Variants in XPO6 observed in about 807,000 individuals in gnomAD.
XPO6 encodes exportin 6.
Under a neutral mutation model 130.0 loss-of-function variants are expected in XPO6, and 3 were observed. That is an observed-to-expected ratio of 0.02 (90% CI 0.01 to 0.06). The LOEUF (loss-of-function observed/expected upper bound fraction) is 0.06. XPO6 is among the 10% of genes least tolerant of loss of function. XPO6 has a pLI of 1.00. For synonymous variants in XPO6, 524 were observed against 548.9 expected (o/e 0.95, Z 0.63); for missense variants, 970 against 1,393.0 (o/e 0.70, Z 4.83).
chr16:28,143,536 T>C (rs2042932215), intron 9 of XPO6, among the ~76,000 whole-genome samples: 1 of 152,244 alleles, frequency 6.6e-6, no homozygotes, highest in African/African-American at 2.4e-5. Context: ...TCTATACCAC[T>C]GCTCTATTAG....
intron 1 of XPO6, chr16:28,209,170 A>G (rs923803933): frequency 6.6e-6 from 1 of 152,200 alleles, no homozygotes; most frequent in Non-Finnish European, 1.5e-5. Flanking sequence ...AGGGCAGGGG[A>G]GAGACTGAAA....
intron 2 of XPO6, among the ~76,000 whole-genome samples, chr16:28,180,222 G>A (rs964152259): frequency 3.9e-5 from 6 of 152,006 alleles, no homozygotes; most frequent in Non-Finnish European, 7.4e-5. Flanking sequence ...AAAATTAGCC[G>A]GGGGTGGTGG....
At chr16:28,142,945 A>T (rs2042921083) in intron 9 of XPO6, among the ~76,000 whole-genome samples, 1 of 152,224 alleles carries the variant, frequency 6.6e-6, no homozygotes, top group Non-Finnish European at 1.5e-5. Flanking sequence ...TCCTGCCCTC[A>T]AGTGATCCTC....
At chr16:28,140,497 G>C (rs1284479328) in intron 9 of XPO6, among the ~76,000 whole-genome samples, 2 of 151,994 alleles carry the variant, frequency 1.3e-5, no homozygotes, top group African/African-American at 2.4e-5. Flanking sequence ...GACCAACATG[G>C]TGAAACCCTG....
intron 1 of XPO6, 24 bp downstream of exon 1, chr16:28,211,342 G>T (rs760391134): frequency 7.6e-7 from 1 of 1,312,244 alleles, no homozygotes; most frequent in Non-Finnish European, 9.8e-7. Flanking sequence ...CCCCAGGAGG[G>T]AAGGGGGCTC....
At position 28,098,348 on chromosome 16, in the gene XPO6, AG is replaced by A. The variant is rs1240295447; in HGVS notation, c.*189del. 4.1e-5 allele frequency: 23 copies of A among 561,950 alleles called. No individual in the cohort carries two copies. The African/African-American group carries it at 4.1e-4, about 10-fold the overall frequency. 34.8% of individuals were successfully genotyped at this position (561,950 alleles called of 1,614,324 possible). On this transcript the variant is annotated 3_prime_UTR_variant, in exon 24 of 24. Transcript: ENST00000304658. The stretch of plus-strand genomic sequence containing the variant: ...GCCCTGGGAGCACCGTCCAGTGCTC[AG>A]GTGGACCCAGAAGCCAGCTCTGCTG...
At chr16:28,117,526 AT>A in intron 14 of XPO6, 64 bp from the exon 15 acceptor site, 1 of 1,566,396 alleles carries the variant, frequency 6.4e-7, no homozygotes, top group Non-Finnish European at 8.7e-7. Flanking sequence ...CGTTCAACTC[AT>A]TTTCATAGGA....
chr16:28,139,299 C>T (rs907944510), intron 9 of XPO6, among the ~76,000 whole-genome samples: 1 of 152,230 alleles, frequency 6.6e-6, no homozygotes, highest in Non-Finnish European at 1.5e-5. Flanking sequence ...AGAGAGCTCA[C>T]AGAAACAGAA....
chr16:28,174,140 G>A (rs1369073977), intron 4 of XPO6, among the ~76,000 whole-genome samples: 4 of 152,156 alleles, frequency 2.6e-5, no homozygotes, highest in Non-Finnish European at 5.9e-5. Flanking sequence ...TGGACAGAAC[G>A]CCAGGGAAGT....
rs2086653490 is a variant in XPO6 at position 28,101,401 on chromosome 16, G to A, written c.3276+57C>T. 6.7e-7 allele frequency: 1 copy of A among 1,490,832 alleles called. No individual in the cohort carries two copies. Among genetic ancestry groups the A allele is most frequent in the Non-Finnish European group, 9.3e-7 (1 of 1,070,000 alleles). The allele number at this position is 1,490,832 out of a possible 1,614,324, so 92.4% of individuals were successfully genotyped here. On this transcript the variant is annotated intron_variant, in intron 23 of 23. Coordinates refer to ENST00000304658, the MANE Select transcript of XPO6 (RefSeq NM_015171.4). The surrounding 1 kb of genome is among the most constrained non-coding windows in gnomAD (Gnocchi z 5.4). ...TGTGCCCCCTCCTTGCTGCACAGGT[G>A]CCAGGCTTGCGTGCCCACTCTGCCC...
intron 1 of XPO6, among the ~76,000 whole-genome samples, chr16:28,205,653 G>T (rs2044017113): frequency 6.6e-6 from 1 of 152,156 alleles, no homozygotes; most frequent in Non-Finnish European, 1.5e-5. Flanking sequence ...CCCTGGAAGT[G>T]TAACGGTTAT....
In XPO6 at chr16:28,135,311, G is replaced by A; in HGVS notation, c.1348C>T (p.Leu450=). 3.1e-6 allele frequency: 5 copies of A among 1,613,634 alleles called. No individual in the cohort carries two copies. Among genetic ancestry groups the A allele is most frequent in the Non-Finnish European group, 4.2e-6 (5 of 1,179,752 alleles). Residue 450 remains leucine (L), a synonymous_variant, in exon 10 of 24, where the codon CTG becomes TTG. Coordinates refer to ENST00000304658, the MANE Select transcript of XPO6 (RefSeq NM_015171.4). ...AACACCTCTGTGAGCAGGAGCACCAGGGCATCTTCGTACCTATGTGGCAGG... is the reference window on the plus strand; with the variant it reads ...AACACCTCTGTGAGCAGGAGCACCAAGGCATCTTCGTACCTATGTGGCAGG... ...EAVLNRYEDA[L]VLLLTEVLNR...
In XPO6 at chr16:28,176,197, C is replaced by G. The variant is rs893417004; in HGVS notation, c.208-102G>C. The G allele has an allele frequency of 4.0e-5, 43 of 1,081,308 alleles. No homozygotes were observed. The East Asian group carries it at 1.1e-3, about 27-fold the overall frequency. The allele number at this position is 1,081,308 out of a possible 1,614,324, so 67.0% of individuals were successfully genotyped here. A position where few individuals can be genotyped will look rare whatever the true frequency, so the allele number is the denominator to read the frequency against. ...TTATCACTTCAATAAACAAGAATCC[C>G]TCTTTAAATAAAGGTTTGGGGCAAT... is the stretch of plus-strand genomic sequence containing the variant. On this transcript the variant is annotated intron_variant, in intron 3 of 23. Coordinates refer to ENST00000304658, the MANE Select transcript of XPO6 (RefSeq NM_015171.4).
chr16:28,117,312 C>T lies in XPO6; in HGVS notation c.2004+6G>A, dbSNP rs767789066. On this transcript the variant is annotated splice_donor_region_variant and intron_variant, in intron 15 of 23. Coordinates refer to ENST00000304658, the MANE Select transcript of XPO6 (RefSeq NM_015171.4). Reference sequence around the variant, plus strand: ...ATAAAAGGTGTAGGCTTTGCTGTTTCGAGACCTTGGTGCTGATTAGAGGTG... The same window carrying T: ...ATAAAAGGTGTAGGCTTTGCTGTTTTGAGACCTTGGTGCTGATTAGAGGTG... 3.7e-6 allele frequency: 6 copies of T among 1,613,582 alleles called. No homozygotes were observed. The highest frequency in any genetic ancestry group is 3.3e-5 in the South Asian group (3 of 91,044).
At chr16:28,125,558 T>C in intron 13 of XPO6, 131 bp downstream of exon 13, 2 of 1,155,360 alleles carry the variant, frequency 1.7e-6, no homozygotes, top group Non-Finnish European at 2.4e-6. Context: ...CCCTATCAGC[T>C]TGTATGTGGC....
chr16:28,134,360 T>C (rs1321098432), intron 10 of XPO6, among the ~76,000 whole-genome samples: 1 of 152,238 alleles, frequency 6.6e-6, no homozygotes, highest in Non-Finnish European at 1.5e-5. Context: ...GCAAATTCTA[T>C]GGTCCTCACC....
chr16:28,135,521 G>C (rs1213136390), intron 9 of XPO6, among the ~76,000 whole-genome samples, 197 bp from the exon 10 acceptor site: 2 of 151,898 alleles, frequency 1.3e-5, no homozygotes, highest in Non-Finnish European at 2.9e-5. Context: ...ATTTAATGAC[G>C]TACCAGGCAC....
chr16:28,157,985 C>T (rs145618839), intron 6 of XPO6, among the ~76,000 whole-genome samples: 2,649 of 152,174 alleles, frequency 0.017, 91 homozygotes, highest in African/African-American at 0.06. Context: ...TCCTCCTTGG[C>T]GGGAGAGGAT....
chr16:28,163,773 C>T (rs2043314150), intron 6 of XPO6, among the ~76,000 whole-genome samples: 2 of 152,146 alleles, frequency 1.3e-5, no homozygotes, highest in East Asian at 1.9e-4. Context: ...TTGGTGAGAA[C>T]GACCAAGAAA....
Sources: allele counts gnomAD v4.1 joint callset (sites outside exome capture counted in the v4.1 genomes callset), GRCh38; gene constraint gnomAD v4.1.1; non-coding constraint Gnocchi (gnomAD v3.1); transcripts MANE v1.5; gene names NCBI Gene and HGNC (gene_info 2026-07-23, HGNC 2026-07-21).